The following FRMPD2 variants were observed in gnomAD, a reference collection of about 807,000 sequenced individuals.
FRMPD2 encodes FERM and PDZ domain-containing protein 2.
In FRMPD2, 96 loss-of-function variants were observed where a neutral mutation model predicts 140.1. That is an observed-to-expected ratio of 0.69 (90% confidence interval 0.58 to 0.81). The LOEUF (loss-of-function observed/expected upper bound fraction) is 0.81. Ranked by LOEUF, FRMPD2 falls within the 40% of genes least tolerant of loss-of-function variation. The probability of loss-of-function intolerance (pLI) is 0.00; values close to 1 mark genes in which losing one functional copy is unlikely to be tolerated. For synonymous variants in FRMPD2, 449 were observed against 547.6 expected, an observed-to-expected ratio of 0.82 and a Z score of 2.52; for missense variants, 1,240 against 1,447.4, an observed-to-expected ratio of 0.86 and a Z score of 2.32.
At chr10:48,248,001 G>A (rs750985791) in intron 3 of FRMPD2, among the ~76,000 whole-genome samples, 22 of 152,114 alleles carry the variant, frequency 1.4e-4, no homozygotes, top group Non-Finnish European at 2.5e-4. Context: ...TCACTTTTGT[G>A]GGCTGACTTA....
At chr10:48,181,412 T>G (rs1838543153) in intron 20 of FRMPD2, among the ~76,000 whole-genome samples, 1 of 152,276 alleles carries the variant, frequency 6.6e-6, no homozygotes, top group Non-Finnish European at 1.5e-5. Flanking sequence ...TCAAAGCTAT[T>G]AAGTGTCCTG....
At chr10:48,212,155 C>G in intron 12 of FRMPD2, 46 bp from the exon 13 acceptor site, 1 of 1,588,400 alleles carries the variant, frequency 6.3e-7, no homozygotes, top group Non-Finnish European at 8.6e-7. Flanking sequence ...AGACACTGGC[C>G]GGGGGACTCT....
At chr10:48,243,981 T>C (rs1041652064) in intron 4 of FRMPD2, among the ~76,000 whole-genome samples, 1 of 152,252 alleles carries the variant, frequency 6.6e-6, no homozygotes, top group African/African-American at 2.4e-5. Context: ...GATATTTTTA[T>C]GTAGTTCTTT....
chr10:48,213,283 AT>A (rs1359661717), intron 12 of FRMPD2, among the ~76,000 whole-genome samples: 3 of 152,242 alleles, frequency 2.0e-5, no homozygotes, highest in Non-Finnish European at 4.4e-5. Flanking sequence ...ATAAAAAAGC[AT>A]TTAGAATGCT....
intron 1 of FRMPD2, among the ~76,000 whole-genome samples, chr10:48,260,709 A>G (rs1840573459): frequency 6.6e-6 from 1 of 152,182 alleles, no homozygotes; most frequent in Admixed American, 6.5e-5. Flanking sequence ...AGTTCCTATT[A>G]CCCCATACAT....
chr10:48,201,202 A>G (rs777335900), intron 15 of FRMPD2, 26 bp downstream of exon 15: 6 of 1,563,514 alleles, frequency 3.8e-6, no homozygotes, highest in South Asian at 1.2e-5. Context: ...GTCAAAGTGT[A>G]TATGGAGAAT....
intron 10 of FRMPD2, among the ~76,000 whole-genome samples, chr10:48,226,935 C>G (rs1839734965): frequency 6.6e-6 from 1 of 152,152 alleles, no homozygotes; most frequent in Admixed American, 6.5e-5. Flanking sequence ...TCCTTCCTTA[C>G]AGTTTCTGGC....
chr10:48,226,616 C>T (rs1839727680), intron 10 of FRMPD2, among the ~76,000 whole-genome samples: 1 of 152,224 alleles, frequency 6.6e-6, no homozygotes, highest in South Asian at 2.1e-4. Context: ...GATAGTCATC[C>T]TCCCTCTCCT....
intron 15 of FRMPD2, among the ~76,000 whole-genome samples, chr10:48,193,673 T>C (rs1033354965): frequency 5.3e-5 from 8 of 152,230 alleles, no homozygotes; most frequent in African/African-American, 2.4e-5. Flanking sequence ...TCTGACCATC[T>C]GCGCCTTGCT....
intron 15 of FRMPD2, among the ~76,000 whole-genome samples, chr10:48,195,785 C>T (rs1650530680): frequency 6.6e-6 from 1 of 152,222 alleles, no homozygotes; most frequent in Admixed American, 6.5e-5. Flanking sequence ...ATCATCCATT[C>T]GTTCATCAAA....
intron 1 of FRMPD2, among the ~76,000 whole-genome samples, chr10:48,265,684 T>G (rs1840665300): frequency 6.6e-6 from 1 of 152,138 alleles, no homozygotes; most frequent in Non-Finnish European, 1.5e-5. Flanking sequence ...CTCACACTGG[T>G]CAGAATGGCT....
Sources: allele counts gnomAD v4.1 joint callset (sites outside exome capture counted in the v4.1 genomes callset), GRCh38; gene constraint gnomAD v4.1.1; transcripts MANE v1.5; gene names NCBI Gene and HGNC (gene_info 2026-07-23, HGNC 2026-07-21).